Variants in SVIL observed in about 807,000 individuals in gnomAD.
SVIL encodes the protein archvillin.
A neutral mutation model predicts 240.4 loss-of-function variants in SVIL; 101 were observed. The ratio of observed to expected loss-of-function variants is 0.42; its 90% confidence interval spans 0.36 to 0.50. SVIL has a LOEUF of 0.50. SVIL is among the 20% of genes least tolerant of loss of function. The pLI, the probability that SVIL is intolerant of heterozygous loss-of-function variation, is 0.01. For synonymous variants in SVIL, 999 were observed against 1,100.0 expected, an observed-to-expected ratio of 0.91 and a Z score of 1.82; for missense variants, 2,512 against 2,818.7, an observed-to-expected ratio of 0.89 and a Z score of 2.46.
intron 17 of SVIL, among the ~76,000 whole-genome samples, chr10:29,504,284 G>T (rs539883000): frequency 6.6e-6 from 1 of 152,172 alleles, no homozygotes; most frequent in Non-Finnish European, 1.5e-5. Flanking sequence ...CTTGGATTTG[G>T]TGATTAGTTT....
In SVIL at chr10:29,458,011, A is replaced by ACTT. The variant is rs1943755660; in HGVS notation, c.*233_*235dup. 2.2e-6 allele frequency: 1 copy of ACTT among 456,506 alleles called. No homozygotes were observed. The highest frequency in any genetic ancestry group is 3.6e-5 in the East Asian group (1 of 27,474). 28.3% of individuals were successfully genotyped at this position (456,506 alleles called of 1,614,324 possible). On this transcript the variant is annotated 3_prime_UTR_variant, in exon 38 of 38. Coordinates refer to ENST00000355867, the MANE Select transcript of SVIL (RefSeq NM_021738.3). ...TGCGGCTTAAGTGCACATAACAGAT[A>ACTT]CTTTTATTAATTCTGATAACCTCCT...
Position 29,582,595 on chromosome 10 carries a change from CCA to C in SVIL, c.-200-13285_-200-13284del, listed in dbSNP as rs201778795. Among the ~76,000 whole-genome samples the C allele has an allele frequency of 6.2e-3, 939 of 151,976 alleles. 5 individuals are homozygous for C. The highest frequency in any genetic ancestry group is 0.02 in the Middle Eastern group (6 of 294). On this transcript the variant is annotated intron_variant, in intron 1 of 37. Coordinates refer to ENST00000355867, the MANE Select transcript of SVIL (RefSeq NM_021738.3). ...TTTACCAAAAACATTTTAAAATTAG[CCA>C]GGAATGATGGTGTAGTTCCAGCCAC...
chr10:29,686,435 G>A (rs146063490), intron 2 of SVIL: 31 of 152,318 alleles, frequency 2.0e-4, no homozygotes, highest in African/African-American at 7.5e-4. Flanking sequence ...TGAAATTAGA[G>A]TGGTACCAGT....
intron 17 of SVIL, among the ~76,000 whole-genome samples, chr10:29,502,696 G>A (rs1049919714): frequency 6.6e-6 from 1 of 151,448 alleles, no homozygotes; most frequent in Non-Finnish European, 1.5e-5. Context: ...TGGGTGGGTG[G>A]GTGTGTGTGT....
rs186831154 is a variant in SVIL, at chr10:29,667,012, G to A, written c.-300-8944C>T. On this transcript the variant is annotated intron_variant, in intron 2 of 35. Transcript: ENST00000375400. The stretch of plus-strand genomic sequence containing the variant: ...TGAAGGCTCTGAAGGAGGTAGGAGC[G>A]CTCACATTTTGCTGGTTGGAATGCA... Among the ~76,000 whole-genome samples, 93 of 152,094 alleles carry A rather than the reference G, an allele frequency of 6.1e-4. No individual in the cohort carries two copies. The South Asian group carries it at 0.011, about 18-fold the overall frequency.
chr10:29,533,432 T>C lies in SVIL; in HGVS notation c.935A>G (p.Lys312Arg), dbSNP rs769533764. 5.0e-6 allele frequency: 8 copies of C among 1,613,022 alleles called. No individual in the cohort carries two copies. The African/African-American group carries it at 1.1e-4, about 22-fold the overall frequency. The change falls in exon 8 of 38, where the codon AAA (lysine) becomes AGA (arginine). Residue 312 changes from lysine (K) to arginine (R), a missense_variant. Physicochemically the swap from Lys to Arg is conservative, Grantham distance 26. This residue lies in a region of SVIL where 1,443 missense variants were observed against 1,486.6 expected (regional missense o/e 0.97). Transcript: ENST00000355867. ...AGGGCTGTTTCGAGCACTTTCCTCT[T>C]TCACCAATTTTTCTCTAACTTTAAC... is the stretch of plus-strand genomic sequence containing the variant. ...SRVKVREKLV[K>R]EESARNSPEL...
rs1287170612 is a variant in SVIL at position 29,529,697 on chromosome 10, G to A, written c.2246+8C>T. On this transcript the variant is annotated splice_region_variant and intron_variant, in intron 12 of 37. Transcript: ENST00000355867. ...TAGACAAGGCTGAGAAGTCCTGTGG[G>A]CACTTACGTGGCTGCGATGACCACC... 5.0e-6 allele frequency: 8 copies of A among 1,595,224 alleles called. No individual in the cohort carries two copies. Among genetic ancestry groups the A allele is most frequent in the Middle Eastern group, 1.7e-4 (1 of 5,904 alleles).
rs183825919 is a variant in SVIL, at chr10:29,524,440, C to T, written c.2586+32G>A. The T allele has an allele frequency of 3.8e-5, 62 of 1,611,360 alleles. No homozygotes were observed. The East Asian group carries it at 5.8e-4, about 15-fold the overall frequency. On this transcript the variant is annotated intron_variant, in intron 14 of 37. Coordinates refer to ENST00000355867, the MANE Select transcript of SVIL (RefSeq NM_021738.3). ...GTGCTATAATTTAAGAACACACACA[C>T]ACAAACTGCAATCGGACTATAGCAC...
At chr10:29,611,950 C>T (rs947516648) in intron 1 of SVIL, among the ~76,000 whole-genome samples, 2 of 152,102 alleles carry the variant, frequency 1.3e-5, no homozygotes, top group African/African-American at 2.4e-5. Context: ...CAGGAGATAC[C>T]AAATGGCCCA....
intron 35 of SVIL, among the ~76,000 whole-genome samples, chr10:29,462,891 AC>A (rs1944429248): frequency 6.6e-6 from 1 of 152,144 alleles, no homozygotes; most frequent in African/African-American, 2.4e-5. Flanking sequence ...ATACTCAGTG[AC>A]ATTAAACTAG....
intron 11 of SVIL, 107 bp downstream of exon 11, chr10:29,530,500 G>A (rs1951280910): frequency 8.1e-7 from 1 of 1,230,212 alleles, no homozygotes. Flanking sequence ...TGCCCAGGCT[G>A]GTCTCAAACT....
intron 35 of SVIL, 51 bp downstream of exon 35, chr10:29,463,441 A>G (rs777462279): frequency 1.3e-6 from 2 of 1,584,366 alleles, no homozygotes; most frequent in Non-Finnish European, 1.7e-6. Context: ...CGCATGCCTG[A>G]GGGGCTTCCC....
intron 6 of SVIL, among the ~76,000 whole-genome samples, chr10:29,547,923 T>C (rs575296932): frequency 6.6e-6 from 1 of 152,328 alleles, no homozygotes; most frequent in South Asian, 2.1e-4. Context: ...AGAACTTCCT[T>C]TGGTAGAAAG....
At chr10:29,576,667 C>T (rs1364827301) in intron 1 of SVIL, among the ~76,000 whole-genome samples, 2 of 152,182 alleles carry the variant, frequency 1.3e-5, no homozygotes, top group Non-Finnish European at 2.9e-5. Flanking sequence ...ACCTCATCCT[C>T]CTGAGTCTCC....
intron 1 of SVIL, among the ~76,000 whole-genome samples, chr10:29,625,262 T>C (rs1957818715): frequency 6.6e-6 from 1 of 152,184 alleles, no homozygotes; most frequent in African/African-American, 2.4e-5. Flanking sequence ...TGAGACAAAG[T>C]CTGAAAGTAA....
intron 1 of SVIL, among the ~76,000 whole-genome samples, chr10:29,587,732 A>G (rs1956227909): frequency 6.6e-6 from 1 of 152,126 alleles, no homozygotes; most frequent in Non-Finnish European, 1.5e-5. Context: ...CATATATTCA[A>G]TCTCCGAGAC....
chr10:29,550,549 A>G, intron 6 of SVIL, 48 bp downstream of exon 6: 4 of 1,497,034 alleles, frequency 2.7e-6, no homozygotes, highest in Admixed American at 2.4e-5. Context: ...AGGCAAAAAG[A>G]AGGTATTGTC....
intron 1 of SVIL, among the ~76,000 whole-genome samples, chr10:29,688,383 G>A (rs1961250146): frequency 6.6e-6 from 1 of 152,136 alleles, no homozygotes; most frequent in African/African-American, 2.4e-5. Context: ...GTGTGGCAGG[G>A]GCAGCCAAGC....
In SVIL at chr10:29,697,652, C is replaced by A. The variant is rs1044125015; in HGVS notation, c.-399-11001G>T. On this transcript the variant is annotated intron_variant, in intron 1 of 35. Coordinates refer to the SVIL transcript ENST00000375400. ...TTAAGAGTCATCACCACTCCCTAAT[C>A]TCAAGTACCCAGGGACACAAACACT... Among the ~76,000 whole-genome samples the A allele has an allele frequency of 1.6e-5, 2 of 123,302 alleles. 1 individual carries two copies. Among genetic ancestry groups the A allele is most frequent in the Non-Finnish European group, 3.3e-5 (2 of 60,558 alleles). The allele number at this position is 123,302 out of a possible 152,430, so 80.9% of individuals were successfully genotyped here.
Sources: gnomAD v4.1 joint callset for allele counts (sites outside exome capture counted in the v4.1 genomes callset) on GRCh38, gnomAD v4.1.1 for gene constraint, gnomAD v4.1.1 regional missense constraint, MANE v1.5 for transcripts, NCBI Gene and HGNC (gene_info 2026-07-23, HGNC 2026-07-21) for gene names.